The following FILIP1 variants were observed in gnomAD, a reference collection of about 807,000 sequenced individuals.
FILIP1 encodes the protein filamin-A-interacting protein 1.
In FILIP1, 61 loss-of-function variants were observed where a neutral mutation model predicts 102.1. The observed-to-expected ratio is 0.60, with a 90% CI of 0.49 to 0.74. FILIP1 has a LOEUF of 0.74. FILIP1 is among the 30% of genes least tolerant of loss of function. The pLI is 0.00. For missense variants in FILIP1, 1,314 were observed against 1,441.2 expected (o/e 0.91, Z 1.43); for synonymous variants, 491 against 526.9 (o/e 0.93, Z 0.93).
downstream of FILIP1, among the ~76,000 whole-genome samples, chr6:75,303,761 GAGAGAGAGAGAA>G (rs950025517): frequency 3.3e-5 from 5 of 152,012 alleles, no homozygotes; most frequent in African/African-American, 1.2e-4. Flanking sequence ...GGGAGAGAGA[GAGAGAGAGAGAA>G]AGAGAGAGAG....
chr6:75,449,975 C>A (rs1262504090), intron 1 of FILIP1, among the ~76,000 whole-genome samples: 1 of 151,978 alleles, frequency 6.6e-6, no homozygotes, highest in African/African-American at 2.4e-5. Flanking sequence ...ACTCTGTCAC[C>A]CAGACTGGAG....
intron 1 of FILIP1, among the ~76,000 whole-genome samples, chr6:75,463,669 A>G (rs2149754051): frequency 6.6e-6 from 1 of 152,368 alleles, no homozygotes; most frequent in South Asian, 2.1e-4. Flanking sequence ...TCTTAACAAG[A>G]GAAAAATATA....
At chr6:75,340,841 G>A (rs1017708087) in intron 4 of FILIP1, among the ~76,000 whole-genome samples, 4 of 148,440 alleles carry the variant, frequency 2.7e-5, no homozygotes, top group Admixed American at 2.0e-4. Context: ...GATTATAGGC[G>A]CACACCACAA....
intron 3 of FILIP1, among the ~76,000 whole-genome samples, chr6:75,354,382 C>A (rs900335420): frequency 2.0e-5 from 3 of 151,982 alleles, no homozygotes; most frequent in Non-Finnish European, 4.4e-5. Context: ...ACCAGCCTGA[C>A]CAACATGGTG....
chr6:75,313,701 G>T lies in FILIP1; in HGVS notation c.2131C>A (p.Arg711=), dbSNP rs776455963. The change falls in exon 5 of 6, where the codon CGG becomes AGG. Residue 711 remains arginine, a synonymous_variant. Coordinates refer to ENST00000237172, the MANE Select transcript of FILIP1 (RefSeq NM_015687.5). This position sits in a 1 kb window ranked among gnomAD's most constrained non-coding sequence, Gnocchi z 4.2. ...TCTCGACTTTTAGCTTCTTCCAACC[G>T]AAATCTGTGTCTCAGTTCAGCTTCC... is the stretch of plus-strand genomic sequence containing the variant. ...SQEAELRHRF[R]LEEAKSRDLK... 4.7e-5 allele frequency: 73 copies of T among 1,562,168 alleles called. No homozygotes were observed. The highest frequency in any genetic ancestry group is 5.9e-5 in the Non-Finnish European group (69 of 1,159,752).
chr6:75,466,493 T>C (rs1779169712), intron 1 of FILIP1, among the ~76,000 whole-genome samples: 1 of 152,270 alleles, frequency 6.6e-6, no homozygotes, highest in South Asian at 2.1e-4. Context: ...AACAACGTTA[T>C]TGATTCCAAA....
chr6:75,355,878 T>C (rs899574358), intron 3 of FILIP1, among the ~76,000 whole-genome samples: 1 of 152,098 alleles, frequency 6.6e-6, no homozygotes, highest in South Asian at 2.1e-4. Flanking sequence ...CCCCTTTGAG[T>C]TCTAATTCAT....
At chr6:75,424,257 T>C (rs1777563353) in intron 1 of FILIP1, among the ~76,000 whole-genome samples, 1 of 152,182 alleles carries the variant, frequency 6.6e-6, no homozygotes, top group Non-Finnish European at 1.5e-5. Flanking sequence ...CACCTTGTCA[T>C]GGGCTGAAAT....
chr6:75,428,754 T>C (rs1582490666), intron 1 of FILIP1, among the ~76,000 whole-genome samples: 2 of 152,328 alleles, frequency 1.3e-5, no homozygotes, highest in South Asian at 4.1e-4. Context: ...CTTGAGAGTT[T>C]AGACTTGTGG....
intron 4 of FILIP1, among the ~76,000 whole-genome samples, chr6:75,342,184 T>G (rs1024605977): frequency 6.6e-6 from 1 of 152,188 alleles, no homozygotes; most frequent in Admixed American, 6.5e-5. Flanking sequence ...GTCTCTAGGT[T>G]ACAGATTTTA....
intron 2 of FILIP1, among the ~76,000 whole-genome samples, chr6:75,395,537 C>CA (rs1776432045): frequency 6.6e-6 from 1 of 152,200 alleles, no homozygotes; most frequent in African/African-American, 2.4e-5. Flanking sequence ...CTCGACTTCC[C>CA]AAAGTGCTGG....
At chr6:75,372,741 A>G (rs1562515724) in intron 2 of FILIP1, among the ~76,000 whole-genome samples, 9 of 44,648 alleles carry the variant, frequency 2.0e-4, no homozygotes, top group Non-Finnish European at 3.2e-4. Context: ...AAAGAAAGAA[A>G]GAAAGAAAGA....
At chr6:75,440,174 G>A (rs1026545562) in intron 1 of FILIP1, among the ~76,000 whole-genome samples, 1 of 151,968 alleles carries the variant, frequency 6.6e-6, no homozygotes, top group African/African-American at 2.4e-5. Context: ...CGGGCTCTTT[G>A]GGCAACTTTT....
intron 2 of FILIP1, among the ~76,000 whole-genome samples, chr6:75,403,777 C>T (rs1312899876): frequency 6.6e-6 from 1 of 152,170 alleles, no homozygotes; most frequent in Admixed American, 6.5e-5. Flanking sequence ...GCAATTTAGA[C>T]TTCTATCTGA....
At chr6:75,403,003 G>A (rs1309332754) in intron 2 of FILIP1, among the ~76,000 whole-genome samples, 2 of 152,122 alleles carry the variant, frequency 1.3e-5, no homozygotes, top group South Asian at 2.1e-4. Context: ...AATGAGGCAC[G>A]TGAAAGATGC....
intron 2 of FILIP1, among the ~76,000 whole-genome samples, chr6:75,406,627 T>C (rs1461592382): frequency 2.6e-5 from 4 of 151,944 alleles, no homozygotes; most frequent in Admixed American, 6.6e-5. Context: ...TTATGTGTCT[T>C]TGCATTCCTC....
At chr6:75,400,059 A>G (rs755939099) in intron 2 of FILIP1, among the ~76,000 whole-genome samples, 3 of 152,060 alleles carry the variant, frequency 2.0e-5, no homozygotes, top group Non-Finnish European at 2.9e-5. Context: ...CTCTGCCACT[A>G]ATACTGGCAC....
In FILIP1 at chr6:75,315,157, T is replaced by A; in HGVS notation, c.675A>T (p.Lys225Asn). 6.3e-7 allele frequency: 1 copy of A among 1,587,298 alleles called. No individual in the cohort carries two copies. Among genetic ancestry groups the A allele is most frequent in the Non-Finnish European group, 8.5e-7 (1 of 1,170,778 alleles). Residue 225 changes from lysine to asparagine, a missense_variant, in exon 5 of 6, where the codon AAA becomes AAT. Around this residue, in one of 3 missense-constraint regions of FILIP1, gnomAD observed 494 missense variants for 511.2 expected, o/e 0.97. Coordinates refer to ENST00000237172, the MANE Select transcript of FILIP1 (RefSeq NM_015687.5). ...LEQEKAYQARKEKENAKRLNK... is the reference protein window; with the variant it reads ...LEQEKAYQARNEKENAKRLNK... ...TGAGTCGTTTAGCATTTTCCTTTTC[T>A]TTGCGGGCTTGATAAGCCTTTTCTT...
chr6:75,295,771 A>T (rs1772650453), exon 7 of FILIP1: 3 of 448,068 alleles, frequency 6.7e-6, no homozygotes, highest in Non-Finnish European at 1.1e-5. Context: ...TTATATCCTT[A>T]AAAAAAAATC....
Sources: allele counts gnomAD v4.1 joint callset (sites outside exome capture counted in the v4.1 genomes callset), GRCh38; gene constraint gnomAD v4.1.1; regional missense constraint gnomAD v4.1.1; non-coding constraint Gnocchi (gnomAD v3.1); transcripts MANE v1.5; gene names NCBI Gene and HGNC (gene_info 2026-07-23, HGNC 2026-07-21).